The following CNTNAP2 variants were observed in gnomAD, a reference collection of about 807,000 sequenced individuals.
CNTNAP2 encodes contactin associated protein 2, also known as contactin-associated protein-like 2.
In CNTNAP2, 98 loss-of-function variants were observed where a neutral mutation model predicts 155.2. The ratio of observed to expected loss-of-function variants is 0.63; its 90% CI spans 0.54 to 0.75. The LOEUF (loss-of-function observed/expected upper bound fraction) is 0.75, where lower values mean the gene tolerates loss of function less well. Among genes scored for constraint, CNTNAP2 ranks in the 30% least tolerant of loss-of-function variants. The pLI, the probability that CNTNAP2 is intolerant of heterozygous loss-of-function variation, is 0.00. For missense variants in CNTNAP2, 1,727 were observed against 1,688.1 expected (o/e 1.02, Z -0.40); for synonymous variants, 651 against 631.2 (o/e 1.03, Z -0.47).
chr7:146,246,643 G>A (rs896251044), intron 1 of CNTNAP2, among the ~76,000 whole-genome samples: 3 of 151,568 alleles, frequency 2.0e-5, no homozygotes, highest in African/African-American at 7.3e-5. Context: ...GACAGCATCA[G>A]TCTTCAGCCG....
intron 13 of CNTNAP2, among the ~76,000 whole-genome samples, chr7:147,857,366 T>G (rs1298905310): frequency 2.0e-5 from 3 of 152,202 alleles, no homozygotes; most frequent in Non-Finnish European, 4.4e-5. Context: ...CCTCCAAGGC[T>G]ATTTGAGCAT....
At chr7:146,906,274 G>C (rs1323177600) in intron 3 of CNTNAP2, among the ~76,000 whole-genome samples, 3 of 152,244 alleles carry the variant, frequency 2.0e-5, no homozygotes, top group Non-Finnish European at 4.4e-5. Flanking sequence ...AAGCAGCCAG[G>C]AAGCTGGAAC....
In CNTNAP2 at chr7:146,124,874, G is replaced by A. The variant is rs536354233; in HGVS notation, c.97+7901G>A. Among the ~76,000 whole-genome samples the A allele has an allele frequency of 2.4e-4, 36 of 152,236 alleles. No individual in the cohort carries two copies. The South Asian group carries it at 5.4e-3, about 23-fold the overall frequency. ...GGTATTTTACTCAGTGGATTTGAAT[G>A]TGGCCATAGAATCTTTCTCCACACA... On this transcript the variant is annotated intron_variant, in intron 1 of 23. Coordinates refer to ENST00000361727, the MANE Select transcript of CNTNAP2 (RefSeq NM_014141.6).
intron 2 of CNTNAP2, among the ~76,000 whole-genome samples, chr7:146,801,172 A>T (rs1362735689): frequency 6.6e-6 from 1 of 152,142 alleles, no homozygotes; most frequent in East Asian, 1.9e-4. Context: ...ATGATGACAG[A>T]AGGAGCAGGA....
intron 13 of CNTNAP2, among the ~76,000 whole-genome samples, chr7:147,806,871 G>T (rs1276868168): frequency 1.3e-5 from 2 of 152,192 alleles, no homozygotes; most frequent in African/African-American, 4.8e-5. Context: ...GAGGAATAAA[G>T]AGGTGATGGT....
intron 1 of CNTNAP2, among the ~76,000 whole-genome samples, chr7:146,761,987 C>T (rs1407548982): frequency 1.3e-5 from 2 of 151,982 alleles, no homozygotes; most frequent in Non-Finnish European, 2.9e-5. Context: ...TTAATTAATG[C>T]CAGATTAACA....
chr7:147,855,788 A>G (rs879347164), intron 13 of CNTNAP2, among the ~76,000 whole-genome samples: 4 of 152,206 alleles, frequency 2.6e-5, no homozygotes, highest in Non-Finnish European at 4.4e-5. Context: ...TGAAACATCT[A>G]CTAATGCCCA....
At chr7:146,182,657 C>A (rs1249893654) in intron 1 of CNTNAP2, among the ~76,000 whole-genome samples, 3 of 152,200 alleles carry the variant, frequency 2.0e-5, no homozygotes, top group South Asian at 2.1e-4. Flanking sequence ...TCTGGCACAG[C>A]AGATTAATCC....
intron 4 of CNTNAP2, among the ~76,000 whole-genome samples, chr7:147,084,681 G>A (rs1307388743): frequency 6.8e-6 from 1 of 146,514 alleles, no homozygotes; most frequent in East Asian, 2.0e-4. Flanking sequence ...GCATATATAA[G>A]CATGCTATAT....
chr7:148,118,056 T>C, intron 15 of CNTNAP2, 62 bp from the exon 16 acceptor site: 1 of 1,561,554 alleles, frequency 6.4e-7, no homozygotes, highest in Admixed American at 1.7e-5. Context: ...AATGGGTATC[T>C]GTTACATGAC....
intron 1 of CNTNAP2, among the ~76,000 whole-genome samples, chr7:146,345,747 A>C: frequency 6.6e-6 from 1 of 152,234 alleles, no homozygotes; most frequent in East Asian, 1.9e-4. Context: ...TCCAAAAAAG[A>C]AACCAAAAGA....
chr7:148,339,827 T>G (rs895553288), intron 21 of CNTNAP2, among the ~76,000 whole-genome samples: 3 of 152,182 alleles, frequency 2.0e-5, no homozygotes, highest in Admixed American at 1.3e-4. Flanking sequence ...ATTCTTGATC[T>G]TCTCTCTGCA....
chr7:147,134,951 A>C (rs1801449488), intron 8 of CNTNAP2, among the ~76,000 whole-genome samples: 2 of 151,946 alleles, frequency 1.3e-5, no homozygotes, highest in Admixed American at 1.3e-4. Context: ...GTACACACAC[A>C]AAGTAGTGCA....
intron 21 of CNTNAP2, among the ~76,000 whole-genome samples, chr7:148,339,974 AGTGTGTGTGTGT>A (rs10603520): frequency 2.8e-4 from 41 of 144,882 alleles, no homozygotes; most frequent in Non-Finnish European, 4.8e-4. Flanking sequence ...TCCTTCGTGC[AGTGTGTGTGTGT>A]GTGTGTGTGT....
chr7:147,688,119 C>A (rs533811418), intron 13 of CNTNAP2, among the ~76,000 whole-genome samples: 1 of 151,844 alleles, frequency 6.6e-6, no homozygotes, highest in Admixed American at 6.6e-5. Flanking sequence ...TTTTTCTATT[C>A]CTCTCTCTCT....
At chr7:146,200,539 C>CAT (rs1798844241) in intron 1 of CNTNAP2, among the ~76,000 whole-genome samples, 1 of 86,656 alleles carries the variant, frequency 1.2e-5, no homozygotes, top group East Asian at 4.2e-4. Context: ...CACACACACA[C>CAT]ACATATATAT....
At chr7:147,011,608 A>G (rs939671713) in intron 3 of CNTNAP2, among the ~76,000 whole-genome samples, 17 of 150,316 alleles carry the variant, frequency 1.1e-4, no homozygotes, top group Admixed American at 1.1e-3. Context: ...CCTCGGAAGC[A>G]AAGTTTATCT....
chr7:146,380,979 T>C (rs577127295), intron 1 of CNTNAP2, among the ~76,000 whole-genome samples: 1 of 151,160 alleles, frequency 6.6e-6, no homozygotes, highest in East Asian at 2.0e-4. Context: ...TTTGTATTTT[T>C]AGTAGAGACA....
chr7:147,856,629 CT>C (rs3055148), intron 13 of CNTNAP2, among the ~76,000 whole-genome samples: 32,766 of 145,164 alleles, frequency 0.23, 4,221 homozygotes, highest in Middle Eastern at 0.33. Context: ...ATTAGTTTGG[CT>C]TTTTTTTTTT....
Sources: gnomAD v4.1 joint callset for allele counts (sites outside exome capture counted in the v4.1 genomes callset) on GRCh38, gnomAD v4.1.1 for gene constraint, MANE v1.5 for transcripts, NCBI Gene and HGNC (gene_info 2026-07-23, HGNC 2026-07-21) for gene names.